The following GLIS3 variants were observed in gnomAD, a reference collection of about 807,000 sequenced individuals.
GLIS3 encodes GLIS family zinc finger 3, also known as zinc finger protein GLIS3.
A neutral mutation model predicts 78.6 loss-of-function variants in GLIS3; 53 were observed. The observed-to-expected ratio is 0.67, with a 90% confidence interval of 0.54 to 0.85. The LOEUF (loss-of-function observed/expected upper bound fraction) is 0.85, where lower values mean the gene tolerates loss of function less well. GLIS3 is among the 40% of genes least tolerant of loss of function. The pLI is 0.00. For missense variants in GLIS3, 1,703 were observed against 1,231.1 expected (o/e 1.38, Z -5.74); for synonymous variants, 684 against 509.9 (o/e 1.34, Z -4.60).
At chr9:4,347,441 A>G (rs926568685) in intron 1 of GLIS3, among the ~76,000 whole-genome samples, 5 of 152,152 alleles carry the variant, frequency 3.3e-5, no homozygotes, top group African/African-American at 9.7e-5. Context: ...AAAAATCTTT[A>G]AAGTATCTGG....
At chr9:4,070,638 T>C (rs989966977) in intron 4 of GLIS3, among the ~76,000 whole-genome samples, 1 of 152,142 alleles carries the variant, frequency 6.6e-6, no homozygotes, top group Non-Finnish European at 1.5e-5. Context: ...GCTGTACATA[T>C]TTCTCTCTCG....
intron 1 of GLIS3, among the ~76,000 whole-genome samples, chr9:4,289,786 G>T (rs1015251808): frequency 6.6e-6 from 1 of 152,106 alleles, no homozygotes; most frequent in Admixed American, 6.5e-5. Context: ...CAATGAAAAT[G>T]TTCATTCTGC....
chr9:4,417,056 C>T, the GLIS3 span, among the ~76,000 whole-genome samples: 22 of 152,038 alleles, frequency 1.4e-4, no homozygotes, highest in African/African-American at 2.9e-4. Flanking sequence ...TTTTGTAAAA[C>T]GTCACATGAG....
At chr9:3,877,413 GA>G (rs1316096351) in intron 8 of GLIS3, among the ~76,000 whole-genome samples, 1 of 152,196 alleles carries the variant, frequency 6.6e-6, no homozygotes, top group Non-Finnish European at 1.5e-5. Context: ...CTTGTGCATA[GA>G]ACTGTTTTTA....
chr9:4,049,548 T>C (rs1825538861), intron 4 of GLIS3, among the ~76,000 whole-genome samples: 1 of 152,100 alleles, frequency 6.6e-6, no homozygotes, highest in East Asian at 1.9e-4. Context: ...TCTGATTCTT[T>C]CCTTCATTCT....
intron 2 of GLIS3, among the ~76,000 whole-genome samples, chr9:4,322,441 G>T (rs1157168789): frequency 1.3e-5 from 2 of 152,112 alleles, no homozygotes; most frequent in Non-Finnish European, 1.5e-5. Context: ...TGGGTCAAAT[G>T]GTATTTCTAG....
the GLIS3 span, among the ~76,000 whole-genome samples, chr9:4,457,848 C>CAAA: frequency 1.1e-4 from 14 of 123,400 alleles, no homozygotes; most frequent in African/African-American, 1.6e-4. Context: ...GACTCCATCT[C>CAAA]AAAAAAAAAA....
intron 4 of GLIS3, among the ~76,000 whole-genome samples, chr9:3,967,020 AAAAAAAAAAAAAAC>A (rs1242403896): frequency 1.5e-3 from 212 of 139,118 alleles, no homozygotes; most frequent in African/African-American, 6.0e-3. Context: ...GCAAAAAAAA[AAAAAAAAAAAAAAC>A]AAAAAAACAT....
intron 4 of GLIS3, among the ~76,000 whole-genome samples, chr9:4,111,312 G>T (rs1831191473): frequency 6.6e-6 from 1 of 152,240 alleles, no homozygotes; most frequent in East Asian, 1.9e-4. Flanking sequence ...ACCTCTTAGG[G>T]TTGCTCTCAT....
intron 4 of GLIS3, among the ~76,000 whole-genome samples, chr9:4,048,036 AG>A (rs1825400011): frequency 6.6e-6 from 1 of 152,158 alleles, no homozygotes; most frequent in Admixed American, 6.6e-5. Flanking sequence ...CAGTGGGGAA[AG>A]GGGCCTCACT....
chr9:3,844,023 G>A (rs1818886789), intron 9 of GLIS3, among the ~76,000 whole-genome samples: 1 of 152,160 alleles, frequency 6.6e-6, no homozygotes, highest in South Asian at 2.1e-4. Context: ...TTAGAGAGGG[G>A]AAATTCCTGT....
At chr9:4,128,985 G>T (rs925416414) in intron 2 of GLIS3, among the ~76,000 whole-genome samples, 2 of 152,160 alleles carry the variant, frequency 1.3e-5, no homozygotes, top group African/African-American at 4.8e-5. Flanking sequence ...TATCCTTGAA[G>T]CATGAAAATT....
intron 2 of GLIS3, among the ~76,000 whole-genome samples, chr9:4,158,392 G>A (rs145685966): frequency 0.012 from 1,856 of 152,268 alleles, 25 homozygotes; most frequent in Middle Eastern, 0.027. Flanking sequence ...GGAATTATCT[G>A]GGCTGTTCAC....
intron 4 of GLIS3, among the ~76,000 whole-genome samples, chr9:3,991,726 T>A (rs1446183002): frequency 1.4e-5 from 2 of 143,170 alleles, no homozygotes; most frequent in Non-Finnish European, 3.0e-5. Context: ...AGTCTCACTC[T>A]GTCGCCCAGG....
chr9:4,403,373 A>C, the GLIS3 span, among the ~76,000 whole-genome samples: 1 of 152,190 alleles, frequency 6.6e-6, no homozygotes, highest in Non-Finnish European at 1.5e-5. Context: ...TGAAGGTAAA[A>C]AACTCACTGG....
chr9:4,021,119 T>C lies in GLIS3; in HGVS notation c.1711-83930A>G, dbSNP rs1194706729. Among the ~76,000 whole-genome samples the C allele has an allele frequency of 3.9e-5, 6 of 152,252 alleles. No individual in the cohort carries two copies. The East Asian group carries it at 5.8e-4, about 15-fold the overall frequency. ...GTCACCTCAGCATTTTACTACATCA[T>C]ACAAAGTGTATATACTATAGTATGC... is the stretch of plus-strand genomic sequence containing the variant. On this transcript the variant is annotated intron_variant, in intron 4 of 10. Transcript: ENST00000381971.
At chr9:4,317,589 C>A (rs1888209) in intron 2 of GLIS3, among the ~76,000 whole-genome samples, 152,297 of 152,400 alleles carry the variant, frequency 1, 76,097 homozygotes, top group Non-Finnish European at 1. Context: ...GTATTGCTTA[C>A]GATTATTCAT....
the GLIS3 span, among the ~76,000 whole-genome samples, chr9:4,385,968 A>C: frequency 2.0e-5 from 3 of 152,206 alleles, no homozygotes; most frequent in Admixed American, 6.5e-5. Context: ...GCTTCAGGAC[A>C]CAAAGAAATA....
At chr9:3,828,787 G>C (rs937980218) in intron 10 of GLIS3, among the ~76,000 whole-genome samples, 1 of 152,162 alleles carries the variant, frequency 6.6e-6, no homozygotes, top group South Asian at 2.1e-4. Context: ...CAAAGACAGA[G>C]AGGGAGAGGC....
Sources: allele counts gnomAD v4.1 joint callset (sites outside exome capture counted in the v4.1 genomes callset), GRCh38; gene constraint gnomAD v4.1.1; transcripts MANE v1.5; gene names NCBI Gene and HGNC (gene_info 2026-07-23, HGNC 2026-07-21).